Variants in NEMF observed in about 807,000 individuals in gnomAD.
The protein encoded by NEMF is nuclear export mediator factor.
In NEMF, 89 loss-of-function variants were observed where a neutral mutation model predicts 162.2. The ratio of observed to expected loss-of-function variants is 0.55; its 90% CI spans 0.46 to 0.65. The LOEUF (loss-of-function observed/expected upper bound fraction) is 0.65. Ranked by LOEUF, NEMF falls within the 30% of genes least tolerant of loss-of-function variation. The pLI, the probability that NEMF is intolerant of heterozygous loss-of-function variation, is 0.00. For synonymous variants in NEMF, 421 were observed against 404.5 expected (o/e 1.04, Z -0.49); for missense variants, 1,133 against 1,261.9 (o/e 0.90, Z 1.55).
intron 19 of NEMF, among the ~76,000 whole-genome samples, chr14:49,805,126 T>C (rs1474275324): frequency 6.6e-6 from 1 of 152,178 alleles, no homozygotes; most frequent in African/African-American, 2.4e-5. Flanking sequence ...ACCACTTTTA[T>C]AACAGCACTG....
rs779009062 is a variant in NEMF at position 49,825,906 on chromosome 14, T to C, written c.1538A>G (p.Gln513Arg). 1.9e-6 allele frequency: 3 copies of C among 1,611,376 alleles called. No individual in the cohort carries two copies. Among genetic ancestry groups the C allele is most frequent in the Non-Finnish European group, 2.5e-6 (3 of 1,177,892 alleles). ...TGCTTTTTGAATAGAGGTAACAGTCTGAACTTCTTTTAATGTTTGCTTTGT... is the reference window on the plus strand; with the variant it reads ...TGCTTTTTGAATAGAGGTAACAGTCCGAACTTCTTTTAATGTTTGCTTTGT... The part of the protein sequence containing the change: ...KKTKQTLKEV[Q>R]TVTSIQKARK... Residue 513 changes from glutamine (Q) to arginine (R), a missense_variant, in exon 16 of 33, where the codon CAG becomes CGG. By Grantham distance (43) the Gln-to-Arg change is conservative. This residue lies in a region of NEMF where 582 missense variants were observed against 631.5 expected (regional missense o/e 0.92). Coordinates refer to ENST00000298310, the MANE Select transcript of NEMF (RefSeq NM_004713.6).
At position 49,806,256 on chromosome 14, in the gene NEMF, ATTTTTTTTT is replaced by A. The variant is rs71118803; in HGVS notation, c.1745-132_1745-124del. On this transcript the variant is annotated intron_variant, in intron 18 of 32. Transcript: ENST00000298310. ...TGTATATATATATATATATATATAT[ATTTTTTTTT>A]TTTTTTTTTTTTTTGAGATGGAGTT... The A allele has an allele frequency of 5.8e-3, 225 of 38,508 alleles. 2 individuals carry two copies. The highest frequency in any genetic ancestry group is 9.0e-3 in the South Asian group (6 of 666). The allele number at this position is 38,508 out of a possible 1,614,324, so 2.4% of individuals were successfully genotyped here.
intron 5 of NEMF, among the ~76,000 whole-genome samples, chr14:49,840,070 G>A (rs1405832238): frequency 6.6e-6 from 1 of 152,082 alleles, no homozygotes; most frequent in Non-Finnish European, 1.5e-5. Flanking sequence ...TGAGGCAGGA[G>A]GATTGCTTGA....
rs369937547 is a variant in NEMF at position 49,831,439 on chromosome 14, T to A, written c.883-78A>T. ...AACTTGCATACACAGAATTTTATTT[T>A]TTTTTTCTTTTTTTTTGAGACAGAG... On this transcript the variant is annotated intron_variant, in intron 10 of 32. Transcript: ENST00000298310. 5.4e-4 allele frequency: 480 copies of A among 890,340 alleles called. 1 individual carries two copies. The African/African-American group carries it at 5.6e-3, about 10-fold the overall frequency. 55.2% of individuals were successfully genotyped at this position (890,340 alleles called of 1,614,324 possible).
At chr14:49,788,266 A>G (rs4310763) in intron 28 of NEMF, among the ~76,000 whole-genome samples, 133,555 of 139,416 alleles carry the variant, frequency 0.96, 64,278 homozygotes, top group Non-Finnish European at 1. Context: ...GCAACAGAGC[A>G]AGACTGCCTC....
Position 49,783,213 on chromosome 14 carries a change from A to G in NEMF, c.*1423T>C. On this transcript the variant is annotated 3_prime_UTR_variant, in exon 33 of 33. Coordinates refer to ENST00000298310, the MANE Select transcript of NEMF (RefSeq NM_004713.6). ...AGAATGGTTGCTACATTTTCTTTTCAGTAACTTCAGGATATGTATCTGTAG... is the reference window on the plus strand; with the variant it reads ...AGAATGGTTGCTACATTTTCTTTTCGGTAACTTCAGGATATGTATCTGTAG... 1 of 294,884 alleles carries G rather than the reference A, an allele frequency of 3.4e-6. No individual in the cohort carries two copies. Among genetic ancestry groups the G allele is most frequent in the Non-Finnish European group, 6.2e-6 (1 of 161,014 alleles). 18.3% of individuals were successfully genotyped at this position (294,884 alleles called of 1,614,324 possible). A position where few individuals can be genotyped will look rare whatever the true frequency, so the allele number is the denominator to read the frequency against.
intron 18 of NEMF, among the ~76,000 whole-genome samples, chr14:49,810,319 A>T (rs1327959672): frequency 1.3e-5 from 2 of 151,948 alleles, no homozygotes; most frequent in Admixed American, 1.3e-4. Context: ...ATGAGCCGAG[A>T]TCACACCACT....
chr14:49,786,645 T>C (rs1890193096), intron 29 of NEMF, 73 bp downstream of exon 29: 5 of 1,416,852 alleles, frequency 3.5e-6, no homozygotes, highest in African/African-American at 1.4e-5. Context: ...TTTTAATAAG[T>C]TGTGTTTCAA....
At chr14:49,835,011 C>T (rs951587294) in intron 6 of NEMF, among the ~76,000 whole-genome samples, 8 of 152,104 alleles carry the variant, frequency 5.3e-5, no homozygotes, top group Non-Finnish European at 7.4e-5. Flanking sequence ...CCAGCCTGAC[C>T]AACATGGAGA....
chr14:49,803,228 A>T lies in NEMF; in HGVS notation c.1915+9T>A. The T allele has an allele frequency of 6.3e-7, 1 of 1,599,428 alleles. No individual in the cohort carries two copies. Among genetic ancestry groups the T allele is most frequent in the Middle Eastern group, 1.7e-4 (1 of 6,024 alleles). Reference sequence around the variant, plus strand: ...AAGTCTAGTGATATTTTTCCTGTCAAGACATTACCTCTTATCATGAAGCTT... The same window carrying T: ...AAGTCTAGTGATATTTTTCCTGTCATGACATTACCTCTTATCATGAAGCTT... On this transcript the variant is annotated intron_variant, in intron 20 of 32. Transcript: ENST00000298310.
intron 4 of NEMF, among the ~76,000 whole-genome samples, chr14:49,845,815 G>A (rs987103739): frequency 4.6e-5 from 7 of 152,244 alleles, no homozygotes; most frequent in Middle Eastern, 3.4e-3. Context: ...TACATACAGC[G>A]CATCAGTGCA....
In NEMF at chr14:49,783,057, C is replaced by T; in HGVS notation, c.*1579G>A. The T allele has an allele frequency of 7.9e-7, 1 of 1,270,770 alleles. No homozygotes were observed. The highest frequency in any genetic ancestry group is 2.4e-5 in the Admixed American group (1 of 41,616). The allele number at this position is 1,270,770 out of a possible 1,614,324, so 78.7% of individuals were successfully genotyped here. On this transcript the variant is annotated 3_prime_UTR_variant, in exon 33 of 33. Coordinates refer to ENST00000298310, the MANE Select transcript of NEMF (RefSeq NM_004713.6). ...ATTATATGCATTGTTGTAGTTTGCA[C>T]CTGTTGGTTTTAATGTGCATGTGAA...
chr14:49,784,800 CT>C, intron 32 of NEMF, 87 bp from the exon 33 acceptor site: 7 of 1,433,086 alleles, frequency 4.9e-6, no homozygotes, highest in Non-Finnish European at 6.8e-6. Flanking sequence ...CATTTCCAAA[CT>C]TTTAGCTGAG....
intron 6 of NEMF, 64 bp from the exon 7 acceptor site, chr14:49,834,513 T>A: frequency 8.2e-7 from 1 of 1,215,026 alleles, no homozygotes; most frequent in Non-Finnish European, 1.2e-6. Context: ...TTTTGTTTTT[T>A]GAGATGGAGT....
chr14:49,827,934 TA>T (rs1214086146), intron 15 of NEMF, among the ~76,000 whole-genome samples: 1 of 152,008 alleles, frequency 6.6e-6, no homozygotes, highest in Non-Finnish European at 1.5e-5. Flanking sequence ...ACAGAGGTGA[TA>T]GGGGACTGAT....
intron 6 of NEMF, among the ~76,000 whole-genome samples, chr14:49,835,958 TAGTC>T (rs539842327): frequency 3.3e-5 from 5 of 152,162 alleles, no homozygotes; most frequent in South Asian, 2.1e-4. Flanking sequence ...TCTAAATAAA[TAGTC>T]AGACATTCTC....
chr14:49,832,878 C>T (rs192002938), intron 8 of NEMF, among the ~76,000 whole-genome samples: 7 of 152,256 alleles, frequency 4.6e-5, no homozygotes, highest in Admixed American at 3.9e-4. Flanking sequence ...GTAAATTCCT[C>T]AACTTTTCTG....
rs376219599 is a variant in NEMF, at chr14:49,852,685, G to T, written c.59+10C>A. 1 of 1,614,186 alleles carries T rather than the reference G, an allele frequency of 6.2e-7. No homozygotes were observed. Among genetic ancestry groups the T allele is most frequent in the African/African-American group, 1.3e-5 (1 of 75,064 alleles). On this transcript the variant is annotated intron_variant, in intron 1 of 32. Transcript: ENST00000298310. ...TCCCCACACGAGCCTCGTCACTTAG[G>T]GTACTGTACCTAGCATTCAGCTCCG...
intron 19 of NEMF, among the ~76,000 whole-genome samples, chr14:49,804,856 C>T (rs1265366071): frequency 5.9e-5 from 9 of 151,892 alleles, no homozygotes; most frequent in Non-Finnish European, 1.2e-4. Flanking sequence ...CATGGCAAAA[C>T]CCCATCTCTA....
Sources: allele counts gnomAD v4.1 joint callset (sites outside exome capture counted in the v4.1 genomes callset), GRCh38; gene constraint gnomAD v4.1.1; regional missense constraint gnomAD v4.1.1; transcripts MANE v1.5; gene names NCBI Gene and HGNC (gene_info 2026-07-23, HGNC 2026-07-21).